LRRC4C: variants seen among roughly 807,000 people sequenced by gnomAD.
LRRC4C encodes leucine-rich repeat-containing protein 4C.
A neutral mutation model predicts 33.6 loss-of-function variants in LRRC4C; 5 were observed. The observed-to-expected ratio is 0.15, with a 90% CI of 0.08 to 0.31. The LOEUF is 0.31. LRRC4C is among the 10% of genes least tolerant of loss of function. The pLI, the probability that LRRC4C is intolerant of heterozygous loss-of-function variation, is 1.00. For missense variants in LRRC4C, 560 were observed against 796.7 expected (o/e 0.70, Z 3.58); for synonymous variants, 329 against 302.0 (o/e 1.09, Z -0.93).
At chr11:40,990,236 T>C (rs1190271359) in intron 1 of LRRC4C, among the ~76,000 whole-genome samples, 136 of 48,674 alleles carry the variant, frequency 2.8e-3, no homozygotes, top group African/African-American at 0.013. Context: ...AAGTTTTATA[T>C]ATATATATAT....
chr11:41,388,143 G>C (rs1486666011), intron 1 of LRRC4C, among the ~76,000 whole-genome samples: 2 of 151,724 alleles, frequency 1.3e-5, no homozygotes, highest in Non-Finnish European at 2.9e-5. Flanking sequence ...AAAAAAGATA[G>C]GCTTACACAT....
At chr11:40,930,687 A>C (rs1012480673) in intron 2 of LRRC4C, among the ~76,000 whole-genome samples, 5 of 152,284 alleles carry the variant, frequency 3.3e-5, no homozygotes, top group Non-Finnish European at 5.9e-5. Flanking sequence ...TTAAAATATC[A>C]CTACTTTGTG....
intron 1 of LRRC4C, among the ~76,000 whole-genome samples, chr11:41,361,701 G>A (rs1238924435): frequency 1.3e-5 from 2 of 152,094 alleles, no homozygotes; most frequent in African/African-American, 2.4e-5. Flanking sequence ...ATTCTACTTT[G>A]AATTCTTGAG....
intron 3 of LRRC4C, among the ~76,000 whole-genome samples, chr11:40,545,653 G>A (rs571894105): frequency 6.8e-4 from 103 of 151,972 alleles, no homozygotes; most frequent in Non-Finnish European, 1.3e-3. Flanking sequence ...GTATAAACAA[G>A]GATATACAGA....
intron 3 of LRRC4C, among the ~76,000 whole-genome samples, chr11:40,524,538 C>T (rs868348574): frequency 1.3e-5 from 2 of 151,934 alleles, no homozygotes; most frequent in African/African-American, 4.8e-5. Context: ...AAAGCAGCAG[C>T]CATAAATTCA....
At position 41,225,859 on chromosome 11, in the gene LRRC4C, A is replaced by G. The variant is rs192127938; in HGVS notation, c.-496+233572T>C. On this transcript the variant is annotated intron_variant, in intron 1 of 6. Transcript: ENST00000528697. ...GAGAGCCTGGGTACTGCAGAGAACTATCACAGGAGGATATTTAATGAATTG... is the reference window on the plus strand; with the variant it reads ...GAGAGCCTGGGTACTGCAGAGAACTGTCACAGGAGGATATTTAATGAATTG... Among the ~76,000 whole-genome samples the G allele has an allele frequency of 4.5e-3, 692 of 152,230 alleles. 1 individual carries two copies. Among genetic ancestry groups the G allele is most frequent in the Non-Finnish European group, 6.4e-3 (437 of 68,006 alleles).
chr11:40,440,957 C>G (rs557225759), intron 3 of LRRC4C, among the ~76,000 whole-genome samples: 1 of 151,950 alleles, frequency 6.6e-6, no homozygotes, highest in Non-Finnish European at 1.5e-5. Flanking sequence ...ACTTCATACT[C>G]AAGTTACTAA....
intron 3 of LRRC4C, among the ~76,000 whole-genome samples, chr11:40,571,654 C>G (rs369803708): frequency 1.1e-4 from 17 of 152,254 alleles, no homozygotes; most frequent in African/African-American, 4.1e-4. Flanking sequence ...GAGGATCTCT[C>G]TAAAACAATA....
intron 3 of LRRC4C, among the ~76,000 whole-genome samples, chr11:40,455,685 G>A (rs573135121): frequency 1.7e-4 from 26 of 152,192 alleles, no homozygotes; most frequent in South Asian, 6.2e-4. Flanking sequence ...TGCAGACATT[G>A]TTGCCTTCAG....
intron 3 of LRRC4C, among the ~76,000 whole-genome samples, chr11:40,587,367 G>A (rs1036459879): frequency 1.4e-5 from 2 of 145,344 alleles, no homozygotes; most frequent in South Asian, 2.3e-4. Flanking sequence ...AGCTTAAGGA[G>A]ATTTTGGGCT....
intron 5 of LRRC4C, among the ~76,000 whole-genome samples, chr11:40,201,771 A>G (rs865807324): frequency 4.8e-4 from 73 of 152,324 alleles, no homozygotes; most frequent in African/African-American, 1.7e-3. Context: ...GCTTGTCTCC[A>G]CAGCTACATG....
chr11:41,450,448 C>CT (rs1955981888), intron 1 of LRRC4C, among the ~76,000 whole-genome samples: 1 of 152,122 alleles, frequency 6.6e-6, no homozygotes, highest in African/African-American at 2.4e-5. Flanking sequence ...CTGTTTCTGG[C>CT]TTTAAGTGTT....
chr11:40,252,855 C>T (rs1866896106), intron 4 of LRRC4C, among the ~76,000 whole-genome samples: 1 of 152,150 alleles, frequency 6.6e-6, no homozygotes, highest in South Asian at 2.1e-4. Context: ...TTCATATAGA[C>T]ATGTCACTGC....
chr11:40,362,879 A>G (rs1948022931), intron 3 of LRRC4C, among the ~76,000 whole-genome samples: 1 of 152,196 alleles, frequency 6.6e-6, no homozygotes, highest in South Asian at 2.1e-4. Context: ...ATCTCACACC[A>G]GTCAGAATGG....
At chr11:40,566,151 C>T (rs1379903182) in intron 3 of LRRC4C, among the ~76,000 whole-genome samples, 1 of 129,026 alleles carries the variant, frequency 7.8e-6, no homozygotes, top group Non-Finnish European at 1.6e-5. Context: ...TTTTTGACCA[C>T]TTCACTGGAA....
intron 1 of LRRC4C, among the ~76,000 whole-genome samples, chr11:41,155,589 T>G (rs953453429): frequency 7.2e-5 from 11 of 152,112 alleles, no homozygotes; most frequent in Admixed American, 1.3e-4. Flanking sequence ...GATTTTGGAT[T>G]AGAGTAACAT....
intron 4 of LRRC4C, among the ~76,000 whole-genome samples, chr11:40,252,749 TA>T (rs1316165585): frequency 1.3e-5 from 2 of 152,122 alleles, no homozygotes; most frequent in Non-Finnish European, 2.9e-5. Context: ...ATAGAGAAAA[TA>T]AGATAAATTA....
chr11:40,570,156 A>C (rs947476333), intron 3 of LRRC4C, among the ~76,000 whole-genome samples: 2 of 152,114 alleles, frequency 1.3e-5, no homozygotes, highest in Non-Finnish European at 2.9e-5. Flanking sequence ...TACTAGGAAA[A>C]CATGTACCAA....
chr11:41,252,877 TACC>T (rs1226777492), intron 1 of LRRC4C, among the ~76,000 whole-genome samples: 1 of 152,110 alleles, frequency 6.6e-6, no homozygotes, highest in Non-Finnish European at 1.5e-5. Flanking sequence ...ACTTATTCAC[TACC>T]ACAAGAACAG....
Sources: gnomAD v4.1 joint callset for allele counts (sites outside exome capture counted in the v4.1 genomes callset) on GRCh38, gnomAD v4.1.1 for gene constraint, MANE v1.5 for transcripts, NCBI Gene and HGNC (gene_info 2026-07-23, HGNC 2026-07-21) for gene names.